Variants in SNX29 observed in about 807,000 individuals in gnomAD.
The protein encoded by SNX29 is sorting nexin 29, also known as sorting nexin-29.
Under a neutral mutation model 102.1 loss-of-function variants are expected in SNX29, and 78 were observed. The ratio of observed to expected loss-of-function variants is 0.76; its 90% CI spans 0.64 to 0.92. The LOEUF is 0.92. Among genes scored for constraint, SNX29 ranks in the 40% least tolerant of loss-of-function variants. The probability of loss-of-function intolerance (pLI) is 0.00; values close to 1 mark genes in which losing one functional copy is unlikely to be tolerated. For synonymous variants in SNX29, 580 were observed against 414.5 expected, an observed-to-expected ratio of 1.40 and a Z score of -4.85; for missense variants, 1,280 against 1,061.7, an observed-to-expected ratio of 1.21 and a Z score of -2.86.
At chr16:12,525,768 G>A (rs1202836963) in intron 20 of SNX29, among the ~76,000 whole-genome samples, 1 of 139,752 alleles carries the variant, frequency 7.2e-6, no homozygotes, top group East Asian at 2.1e-4. Context: ...GGATGCTGCT[G>A]TTTTCAAGAA....
At chr16:12,539,566 T>G (rs1597825276) in intron 20 of SNX29, among the ~76,000 whole-genome samples, 2 of 152,206 alleles carry the variant, frequency 1.3e-5, no homozygotes, top group East Asian at 3.8e-4. Context: ...CAGCTTTTTG[T>G]GTGAACAAAA....
At chr16:12,532,478 C>G (rs917816318) in intron 20 of SNX29, among the ~76,000 whole-genome samples, 2 of 152,108 alleles carry the variant, frequency 1.3e-5, no homozygotes, top group South Asian at 2.1e-4. Flanking sequence ...TTTTAGATGT[C>G]TATGATAATG....
At chr16:12,448,027 G>A (rs535380109) in intron 18 of SNX29, among the ~76,000 whole-genome samples, 16 of 152,302 alleles carry the variant, frequency 1.1e-4, no homozygotes, top group South Asian at 2.1e-4. Flanking sequence ...TGATGGTGGC[G>A]TTCCCGGGAT....
intron 20 of SNX29, among the ~76,000 whole-genome samples, chr16:12,555,919 G>A (rs115091368): frequency 8.6e-5 from 13 of 152,022 alleles, no homozygotes; most frequent in African/African-American, 2.2e-4. Context: ...TTATTTTTGC[G>A]TATGGTGTCA....
In SNX29 at chr16:12,331,974, C is replaced by T. The variant is rs555665384; in HGVS notation, c.1783-24189C>T. 6.6e-5 allele frequency among the ~76,000 whole-genome samples: 10 copies of T among 152,066 alleles called. 1 individual carries two copies. Among genetic ancestry groups the T allele is most frequent in the South Asian group, 6.2e-4 (3 of 4,816 alleles). On this transcript the variant is annotated intron_variant, in intron 15 of 20. Coordinates refer to ENST00000566228, the MANE Select transcript of SNX29 (RefSeq NM_032167.5). ...ACTTGGGAGGCTGACACAGGAGGAT[C>T]GCTTGAACCTAGTAGGTGGAGCCTG...
chr16:12,310,633 G>A (rs781757145), intron 15 of SNX29, among the ~76,000 whole-genome samples: 1 of 152,252 alleles, frequency 6.6e-6, no homozygotes, highest in Non-Finnish European at 1.5e-5. Context: ...CTGGCGACGG[G>A]ATGGGAGGGT....
Position 12,573,933 on chromosome 16 carries a change from A to T in SNX29, c.*5304A>T, listed in dbSNP as rs140316578. The T allele has an allele frequency of 8.0e-5, 16 of 201,068 alleles. No individual in the cohort carries two copies. Among genetic ancestry groups the T allele is most frequent in the African/African-American group, 3.2e-4 (14 of 43,692 alleles). The allele number at this position is 201,068 out of a possible 1,614,324, so 12.5% of individuals were successfully genotyped here. On this transcript the variant is annotated 3_prime_UTR_variant, in exon 21 of 21. Transcript: ENST00000566228. ...CTGACACCGACTTCTTAGAGAAGCG[A>T]GTCTTTTTTGAATGGAGGAGCGATG... is the stretch of plus-strand genomic sequence containing the variant.
intron 1 of SNX29, among the ~76,000 whole-genome samples, chr16:11,988,507 A>C (rs415616): frequency 0.75 from 114,711 of 151,940 alleles, 44,297 homozygotes; most frequent in Non-Finnish European, 0.84. Context: ...AGTGATCCTC[A>C]CACCTCAGCC....
intron 16 of SNX29, among the ~76,000 whole-genome samples, chr16:12,369,089 AC>A (rs2082589450): frequency 6.7e-6 from 1 of 149,522 alleles, no homozygotes; most frequent in South Asian, 2.1e-4. Context: ...TAATCTCAAG[AC>A]CCTGGTTCTT....
intron 15 of SNX29, among the ~76,000 whole-genome samples, chr16:12,294,635 C>T (rs540312494): frequency 1.3e-5 from 2 of 152,260 alleles, no homozygotes; most frequent in East Asian, 3.9e-4. Flanking sequence ...CTATGCTCAG[C>T]GGGGAGCACA....
chr16:12,532,073 C>T (rs529670555), intron 20 of SNX29, among the ~76,000 whole-genome samples: 2 of 152,266 alleles, frequency 1.3e-5, no homozygotes, highest in South Asian at 4.2e-4. Flanking sequence ...TTACAGGAAC[C>T]AGGACAGGAA....
chr16:12,257,690 ATT>A (rs33963423), intron 14 of SNX29, among the ~76,000 whole-genome samples: 78,068 of 140,878 alleles, frequency 0.55, 21,217 homozygotes, highest in African/African-American at 0.61. Context: ...CTTATTTAAA[ATT>A]TTTTTTTTTT....
chr16:12,292,375 A>G (rs2079827630), intron 15 of SNX29, among the ~76,000 whole-genome samples: 1 of 152,158 alleles, frequency 6.6e-6, no homozygotes, highest in Non-Finnish European at 1.5e-5. Flanking sequence ...GTAGGATTGG[A>G]AAGTTCTCCC....
chr16:12,311,634 G>T (rs2080552660), intron 15 of SNX29, among the ~76,000 whole-genome samples: 1 of 152,230 alleles, frequency 6.6e-6, no homozygotes, highest in Non-Finnish European at 1.5e-5. Flanking sequence ...GCCATGCCTA[G>T]ATTCATCTCC....
At chr16:12,078,180 A>G (rs2051675023) in intron 10 of SNX29, among the ~76,000 whole-genome samples, 1 of 148,726 alleles carries the variant, frequency 6.7e-6, no homozygotes, top group Non-Finnish European at 1.5e-5. Context: ...CAATAAAATC[A>G]AGTGGAAAAA....
At chr16:12,338,717 C>A (rs1035330395) in intron 15 of SNX29, among the ~76,000 whole-genome samples, 8 of 152,180 alleles carry the variant, frequency 5.3e-5, no homozygotes, top group African/African-American at 1.4e-4. Context: ...TGACCTGTTG[C>A]CTTCCTGGGT....
chr16:12,540,080 A>T (rs971255666), intron 20 of SNX29, among the ~76,000 whole-genome samples: 1 of 152,160 alleles, frequency 6.6e-6, no homozygotes, highest in Non-Finnish European at 1.5e-5. Flanking sequence ...TGTCATGTCT[A>T]CCAATTGTTA....
At chr16:12,278,869 G>A (rs183390630) in intron 15 of SNX29, among the ~76,000 whole-genome samples, 52 of 152,300 alleles carry the variant, frequency 3.4e-4, no homozygotes, top group African/African-American at 1.3e-3. Context: ...ATCCATGTAA[G>A]TCATCTCATT....
chr16:12,060,529 A>G lies in SNX29; in HGVS notation c.1125-999A>G, dbSNP rs1025074151. Among the ~76,000 whole-genome samples the G allele has an allele frequency of 2.6e-5, 4 of 152,206 alleles. No individual in the cohort carries two copies. In the East Asian group the frequency reaches 5.8e-4, roughly 22 times the overall value. ...AGGCAGGAGGCTCTGCCAAATCCCA[A>G]GAGCTCAAGGTTGCAGTGAACTATG... On this transcript the variant is annotated intron_variant, in intron 8 of 20. Coordinates refer to ENST00000566228, the MANE Select transcript of SNX29 (RefSeq NM_032167.5).
Sources: gnomAD v4.1 joint callset for allele counts (sites outside exome capture counted in the v4.1 genomes callset) on GRCh38, gnomAD v4.1.1 for gene constraint, MANE v1.5 for transcripts, NCBI Gene and HGNC (gene_info 2026-07-23, HGNC 2026-07-21) for gene names.